MACROD2: variants seen among roughly 807,000 people sequenced by gnomAD.
MACROD2 encodes the protein ADP-ribose glycohydrolase MACROD2.
In MACROD2, 36 loss-of-function variants were observed where a neutral mutation model predicts 70.4. The observed-to-expected ratio is 0.51, with a 90% confidence interval of 0.39 to 0.68. MACROD2 has a LOEUF of 0.68. MACROD2 is among the 30% of genes least tolerant of loss of function. The pLI, the probability that MACROD2 is intolerant of heterozygous loss-of-function variation, is 0.00. For synonymous variants in MACROD2, 172 were observed against 178.8 expected (o/e 0.96, Z 0.30); for missense variants, 496 against 538.4 (o/e 0.92, Z 0.78).
At chr20:14,825,906 C>T (rs2122220995) in intron 5 of MACROD2, among the ~76,000 whole-genome samples, 1 of 152,244 alleles carries the variant, frequency 6.6e-6, no homozygotes, top group East Asian at 1.9e-4. Flanking sequence ...CTCCCATTTT[C>T]CTCTGAATAG....
At chr20:15,773,778 G>C (rs1253359293) in intron 8 of MACROD2, among the ~76,000 whole-genome samples, 1 of 152,094 alleles carries the variant, frequency 6.6e-6, no homozygotes, top group Admixed American at 6.5e-5. Context: ...AAAATACAAA[G>C]TGGTGAGTAG....
In MACROD2 at chr20:14,063,200, A is replaced by G. The variant is rs185747007; in HGVS notation, c.164-22421A>G. Among the ~76,000 whole-genome samples the G allele has an allele frequency of 1.8e-3, 268 of 152,252 alleles. 1 individual carries two copies. The highest frequency in any genetic ancestry group is 3.3e-3 in the African/African-American group (138 of 41,506). On this transcript the variant is annotated intron_variant, in intron 2 of 17. Transcript: ENST00000684519. ...AATTTTTGTATATCTAAGGTACTGA[A>G]TGGGTAAGTTAGGGAAAGGCTGGGC... is the stretch of plus-strand genomic sequence containing the variant.
At chr20:14,730,267 T>C (rs2123700589) in intron 5 of MACROD2, among the ~76,000 whole-genome samples, 1 of 152,260 alleles carries the variant, frequency 6.6e-6, no homozygotes, top group Non-Finnish European at 1.5e-5. Flanking sequence ...CATAAATCTT[T>C]AGTTTCAGGA....
rs570778314 is a variant in MACROD2, at chr20:15,086,568, G to A, written c.419-143372G>A. ...TTGATCAGATTATTTTTGGATACCA[G>A]CTAATCCAGTGATCATCATTTTGAT... is the stretch of plus-strand genomic sequence containing the variant. On this transcript the variant is annotated intron_variant, in intron 5 of 17. Transcript: ENST00000684519. Among the ~76,000 whole-genome samples the A allele has an allele frequency of 1.4e-3, 215 of 152,246 alleles. 1 individual carries two copies. Among genetic ancestry groups the A allele is most frequent in the Non-Finnish European group, 2.1e-3 (143 of 68,002 alleles).
chr20:15,896,727 G>A (rs2064979235), intron 10 of MACROD2, among the ~76,000 whole-genome samples: 1 of 151,938 alleles, frequency 6.6e-6, no homozygotes, highest in African/African-American at 2.4e-5. Flanking sequence ...ACTTCTAAAT[G>A]TATTTATTTG....
intron 5 of MACROD2, among the ~76,000 whole-genome samples, chr20:15,225,693 T>C (rs2145973819): frequency 6.6e-6 from 1 of 152,320 alleles, no homozygotes; most frequent in Non-Finnish European, 1.5e-5. Context: ...ATGAAGGCCT[T>C]CTTTGTCTAT....
chr20:14,576,020 G>A (rs1053660496), intron 4 of MACROD2, among the ~76,000 whole-genome samples: 9 of 152,146 alleles, frequency 5.9e-5, no homozygotes, highest in African/African-American at 1.4e-4. Context: ...TCACATTGGA[G>A]AGCCTAGGTT....
rs541801399 is a variant in MACROD2 at position 15,798,445 on chromosome 20, A to G, written c.646-64300A>G. Among the ~76,000 whole-genome samples the G allele has an allele frequency of 2.0e-5, 3 of 152,264 alleles. No homozygotes were observed. In the East Asian group the frequency reaches 5.8e-4, roughly 29 times the overall value. ...TCTCACAGCATGGTGTCTGAGTTCTAAGAGGGAAACTGCCAAGAAAACCAG... is the reference window on the plus strand; with the variant it reads ...TCTCACAGCATGGTGTCTGAGTTCTGAGAGGGAAACTGCCAAGAAAACCAG... On this transcript the variant is annotated intron_variant, in intron 8 of 17. Transcript: ENST00000684519.
At chr20:14,086,217 A>C in intron 3 of MACROD2, 1 of 388,332 alleles carries the variant, frequency 2.6e-6, no homozygotes, top group Non-Finnish European at 5.1e-6. Context: ...TTCATTATGA[A>C]ATGCTTAATT....
intron 3 of MACROD2, among the ~76,000 whole-genome samples, chr20:14,376,782 A>AATG (rs1220304467): frequency 6.7e-6 from 1 of 148,312 alleles, no homozygotes; most frequent in Non-Finnish European, 1.5e-5. Flanking sequence ...TAATAATAAT[A>AATG]ATAATAATAA....
intron 8 of MACROD2, among the ~76,000 whole-genome samples, chr20:15,651,602 A>C (rs1213638065): frequency 2.0e-5 from 3 of 152,128 alleles, no homozygotes; most frequent in South Asian, 2.1e-4. Flanking sequence ...AATATGATGC[A>C]AAGAGGTGGC....
chr20:16,023,423 G>T (rs2147559440), intron 15 of MACROD2, among the ~76,000 whole-genome samples: 1 of 136,326 alleles, frequency 7.3e-6, no homozygotes, highest in African/African-American at 2.7e-5. Flanking sequence ...GCAGTGAGCT[G>T]AGATCCTGTC....
chr20:14,628,027 G>T (rs1984285961), intron 4 of MACROD2, among the ~76,000 whole-genome samples: 1 of 152,196 alleles, frequency 6.6e-6, no homozygotes, highest in African/African-American at 2.4e-5. Context: ...AATTTGTAAG[G>T]TTTCCCAAAA....
At chr20:15,510,081 G>A (rs548915418) in intron 8 of MACROD2, among the ~76,000 whole-genome samples, 37 of 151,982 alleles carry the variant, frequency 2.4e-4, no homozygotes, top group African/African-American at 8.7e-4. Flanking sequence ...AGTGTAGAAG[G>A]AGAGGCCGCC....
At chr20:14,895,400 T>C (rs1041967301) in intron 5 of MACROD2, 2 of 152,112 alleles carry the variant, frequency 1.3e-5, no homozygotes, top group Non-Finnish European at 2.9e-5. Flanking sequence ...GGGGCAAGTA[T>C]AGGGATGGGG....
intron 12 of MACROD2, among the ~76,000 whole-genome samples, chr20:15,938,023 CAG>C (rs2065692707): frequency 6.6e-6 from 1 of 151,034 alleles, no homozygotes; most frequent in Non-Finnish European, 1.5e-5. Flanking sequence ...TCCATTCTGT[CAG>C]AAGTTACTAT....
At chr20:14,262,515 T>A (rs1393477505) in intron 3 of MACROD2, among the ~76,000 whole-genome samples, 1 of 152,202 alleles carries the variant, frequency 6.6e-6, no homozygotes, top group African/African-American at 2.4e-5. Context: ...AGGGCTCTCT[T>A]AGTTGACCAT....
intron 5 of MACROD2, among the ~76,000 whole-genome samples, chr20:14,917,781 G>A (rs1261195061): frequency 6.6e-6 from 1 of 152,072 alleles, no homozygotes; most frequent in Non-Finnish European, 1.5e-5. Context: ...AAAAGATAAG[G>A]GCTGGTTGTT....
intron 5 of MACROD2, among the ~76,000 whole-genome samples, chr20:15,219,599 T>A (rs2076840537): frequency 6.6e-6 from 1 of 152,226 alleles, no homozygotes; most frequent in Admixed American, 6.5e-5. Flanking sequence ...TTCTCATTTG[T>A]CTTTTCTAAA....
Sources: gnomAD v4.1 joint callset for allele counts (sites outside exome capture counted in the v4.1 genomes callset) on GRCh38, gnomAD v4.1.1 for gene constraint, MANE v1.5 for transcripts, NCBI Gene and HGNC (gene_info 2026-07-23, HGNC 2026-07-21) for gene names.